Variants in DPY19L2 observed in about 807,000 individuals in gnomAD.
DPY19L2 encodes the protein probable C-mannosyltransferase DPY19L2.
Under a neutral mutation model 97.9 loss-of-function variants are expected in DPY19L2, and 34 were observed. That is an observed-to-expected ratio of 0.35 (90% CI 0.26 to 0.46). The LOEUF is 0.46. Among genes scored for constraint, DPY19L2 ranks in the 20% least tolerant of loss-of-function variants. The pLI, the probability that DPY19L2 is intolerant of heterozygous loss-of-function variation, is 1.00. For missense variants in DPY19L2, 623 were observed against 911.4 expected (o/e 0.68, Z 4.07); for synonymous variants, 230 against 307.9 (o/e 0.75, Z 2.65).
intron 20 of DPY19L2, among the ~76,000 whole-genome samples, chr12:63,569,911 A>G (rs1381286384): frequency 6.6e-6 from 1 of 152,130 alleles, no homozygotes; most frequent in East Asian, 1.9e-4. Flanking sequence ...ACAAAATCCT[A>G]ACAAACTATC....
At chr12:63,613,132 A>G (rs1887282605) in intron 11 of DPY19L2, among the ~76,000 whole-genome samples, 2 of 152,138 alleles carry the variant, frequency 1.3e-5, no homozygotes, top group African/African-American at 4.8e-5. Context: ...GAGAAGAGGG[A>G]ACACTTCATA....
At chr12:63,572,021 T>C (rs931927080) in intron 19 of DPY19L2, among the ~76,000 whole-genome samples, 1 of 147,648 alleles carries the variant, frequency 6.8e-6, no homozygotes, top group African/African-American at 2.5e-5. Flanking sequence ...GAACACCAAA[T>C]GTGATAATGA....
chr12:63,595,857 T>C (rs1283639257), intron 15 of DPY19L2, 109 bp downstream of exon 15: 1 of 1,037,792 alleles, frequency 9.6e-7, no homozygotes, highest in Non-Finnish European at 1.4e-6. Context: ...AGCAAACTTT[T>C]AGAGAGAGAA....
chr12:63,560,646 G>A lies in DPY19L2; in HGVS notation c.2143C>T (p.Leu715Phe). 6.2e-7 allele frequency: 1 copy of A among 1,613,882 alleles called. No homozygotes were observed. The highest frequency in any genetic ancestry group is 8.5e-7 in the Non-Finnish European group (1 of 1,179,880). Residue 715 changes from leucine (L) to phenylalanine (F), a missense_variant, in exon 22 of 22, where the codon CTT (leucine) becomes TTT (phenylalanine). Transcript: ENST00000324472. The part of the protein sequence containing the change: ...VVRTKPGCSM[L>F]EIWDVEDPSN... ...GGGTCTTCCACATCCCAGATTTCAAGCATACTGCAACCAGGCCTGAAAAAA... is the reference window on the plus strand; with the variant it reads ...GGGTCTTCCACATCCCAGATTTCAAACATACTGCAACCAGGCCTGAAAAAA...
chr12:63,588,815 G>A (rs894725667), intron 16 of DPY19L2, among the ~76,000 whole-genome samples: 31 of 147,952 alleles, frequency 2.1e-4, no homozygotes, highest in Middle Eastern at 3.5e-3. Flanking sequence ...GTGCGGTGGC[G>A]CGATCTCAGC....
intron 12 of DPY19L2, among the ~76,000 whole-genome samples, chr12:63,605,309 G>A (rs1885855607): frequency 6.6e-6 from 1 of 152,064 alleles, no homozygotes; most frequent in Admixed American, 6.5e-5. Flanking sequence ...CTACCTGCAT[G>A]GGCAGGCTTC....
chr12:63,592,948 A>AAAG (rs1883405490), intron 16 of DPY19L2, among the ~76,000 whole-genome samples: 1 of 151,388 alleles, frequency 6.6e-6, no homozygotes, highest in African/African-American at 2.4e-5. Context: ...TACAAGAAAA[A>AAAG]AACAAACAAC....
intron 15 of DPY19L2, among the ~76,000 whole-genome samples, chr12:63,594,581 A>ATGTGTG (rs146124553): frequency 1.5e-4 from 22 of 143,352 alleles, no homozygotes; most frequent in African/African-American, 3.1e-4. Flanking sequence ...GGATGTTTGT[A>ATGTGTG]TGTGTGTGTG....
intron 15 of DPY19L2, among the ~76,000 whole-genome samples, chr12:63,594,526 G>A (rs1375700941): frequency 7.0e-6 from 1 of 143,578 alleles, no homozygotes; most frequent in African/African-American, 2.7e-5. Flanking sequence ...ATTTGTGTGT[G>A]TGTGTGTATG....
At chr12:63,635,298 G>C (rs992165987) in intron 6 of DPY19L2, among the ~76,000 whole-genome samples, 1 of 152,088 alleles carries the variant, frequency 6.6e-6, no homozygotes, top group Non-Finnish European at 1.5e-5. Flanking sequence ...CATCATCAAA[G>C]ACCAAAGGGA....
At chr12:63,652,241 G>A (rs926259246) in intron 4 of DPY19L2, among the ~76,000 whole-genome samples, 6 of 152,008 alleles carry the variant, frequency 3.9e-5, no homozygotes, top group East Asian at 1.9e-4. Context: ...TAACCCAATC[G>A]GAATGGCTAT....
At chr12:63,633,597 C>A in intron 6 of DPY19L2, among the ~76,000 whole-genome samples, 1 of 152,120 alleles carries the variant, frequency 6.6e-6, no homozygotes, top group East Asian at 1.9e-4. Flanking sequence ...GAAATAGGAA[C>A]ACTTTTACAC....
intron 12 of DPY19L2, among the ~76,000 whole-genome samples, chr12:63,606,140 C>A (rs1277019672): frequency 6.6e-6 from 1 of 151,892 alleles, no homozygotes; most frequent in Non-Finnish European, 1.5e-5. Context: ...TTATATCTAG[C>A]CATGGTATTG....
At position 63,660,104 on chromosome 12, in the gene DPY19L2, A is replaced by C. The variant is rs1036943460; in HGVS notation, c.588+1240T>G. On this transcript the variant is annotated intron_variant, in intron 4 of 21. Transcript: ENST00000324472. The stretch of plus-strand genomic sequence containing the variant: ...CAGTGTGAACTGCTACATTTGCTTC[A>C]GACAGCAATTTAGCAATATCTGGTA... Among the ~76,000 whole-genome samples, 8 of 152,170 alleles carry C rather than the reference A, an allele frequency of 5.3e-5. 1 individual carries two copies. Among genetic ancestry groups the C allele is most frequent in the African/African-American group, 1.9e-4 (8 of 41,454 alleles).
Position 63,597,832 on chromosome 12 carries a change from C to T in DPY19L2, c.1438G>A (p.Glu480Lys). ...FDTLIYTCAP[E>K]FDFMEKATPL... is the part of the protein sequence containing the mutation. ...ACCGCTTTTTCCATGAAGTCAAATT[C>T]GGGAGCACAGGTATATATTAAAGTA... The change falls in exon 14 of 22, where the codon GAA becomes AAA. Residue 480 changes from glutamate (E) to lysine (K), a missense_variant. Coordinates refer to ENST00000324472, the MANE Select transcript of DPY19L2 (RefSeq NM_173812.5). 5.0e-6 allele frequency: 8 copies of T among 1,609,464 alleles called. No individual in the cohort carries two copies. Among genetic ancestry groups the T allele is most frequent in the East Asian group, 2.2e-5 (1 of 44,618 alleles).
At position 63,560,307 on chromosome 12, in the gene DPY19L2, T is replaced by C. The variant is rs1876222031; in HGVS notation, c.*205A>G. On this transcript the variant is annotated 3_prime_UTR_variant, in exon 22 of 22. Transcript: ENST00000324472. ...AGTATGACATGAATGATTTAATAAC[T>C]TATATGACAAGCTTAATAAGGCTGA... 1 of 509,126 alleles carries C rather than the reference T, an allele frequency of 2.0e-6. No individual in the cohort carries two copies. The highest frequency in any genetic ancestry group is 3.3e-6 in the Non-Finnish European group (1 of 304,338). 31.5% of individuals were successfully genotyped at this position (509,126 alleles called of 1,614,324 possible).
intron 19 of DPY19L2, among the ~76,000 whole-genome samples, chr12:63,580,390 A>G (rs1880658585): frequency 6.6e-6 from 1 of 152,204 alleles, no homozygotes; most frequent in Non-Finnish European, 1.5e-5. Context: ...GACATAACTT[A>G]TGAAAAATCA....
chr12:63,640,152 G>A (rs1892460640), intron 6 of DPY19L2, among the ~76,000 whole-genome samples: 2 of 152,128 alleles, frequency 1.3e-5, no homozygotes, highest in African/African-American at 4.8e-5. Flanking sequence ...ATTGAACAAT[G>A]AGAACACTTG....
intron 6 of DPY19L2, among the ~76,000 whole-genome samples, chr12:63,639,421 A>G (rs1892311280): frequency 1.3e-5 from 2 of 152,178 alleles, no homozygotes; most frequent in Admixed American, 6.5e-5. Context: ...CAACCTACAG[A>G]ATGGGAGAAA....
Sources: allele counts gnomAD v4.1 joint callset (sites outside exome capture counted in the v4.1 genomes callset), GRCh38; gene constraint gnomAD v4.1.1; transcripts MANE v1.5; gene names NCBI Gene and HGNC (gene_info 2026-07-23, HGNC 2026-07-21).